TBCK: variants seen among roughly 807,000 people sequenced by gnomAD.
TBCK encodes TBC domain-containing protein kinase-like protein.
A neutral mutation model predicts 113.4 loss-of-function variants in TBCK; 99 were observed. The observed-to-expected ratio is 0.87, with a 90% CI of 0.74 to 1.03. The LOEUF (loss-of-function observed/expected upper bound fraction) is 1.03, where lower values mean the gene tolerates loss of function less well. Ranked by LOEUF, TBCK falls within the 50% of genes least tolerant of loss-of-function variation. The pLI is 0.00. For missense variants in TBCK, 1,045 were observed against 1,061.3 expected, an observed-to-expected ratio of 0.98 and a Z score of 0.21; for synonymous variants, 369 against 370.8, an observed-to-expected ratio of 1.00 and a Z score of 0.05.
intron 2 of TBCK, among the ~76,000 whole-genome samples, chr4:106,296,979 G>A (rs1283140310): frequency 6.6e-6 from 1 of 151,624 alleles, no homozygotes; most frequent in Non-Finnish European, 1.5e-5. Context: ...AACATTATCA[G>A]AAAACCAAAA....
At chr4:106,239,362 A>C (rs1353677026) in intron 12 of TBCK, among the ~76,000 whole-genome samples, 1 of 152,132 alleles carries the variant, frequency 6.6e-6, no homozygotes, top group East Asian at 1.9e-4. Context: ...CTTCTCCCCT[A>C]TACTTTACTA....
At chr4:106,308,732 G>A (rs1418169283) in intron 2 of TBCK, 36 bp downstream of exon 2, 1 of 1,565,988 alleles carries the variant, frequency 6.4e-7, no homozygotes, top group Non-Finnish European at 8.7e-7. Context: ...TAACAAAGTA[G>A]AGAACATAAA....
chr4:106,122,513 T>A (rs1744554297), intron 23 of TBCK, among the ~76,000 whole-genome samples: 1 of 152,302 alleles, frequency 6.6e-6, no homozygotes, highest in Admixed American at 6.5e-5. Flanking sequence ...GAATCCTCCC[T>A]AACTCATTTT....
At chr4:106,290,151 T>C (rs889330498) in intron 3 of TBCK, among the ~76,000 whole-genome samples, 1 of 152,108 alleles carries the variant, frequency 6.6e-6, no homozygotes. Flanking sequence ...AAATTTGAAC[T>C]AGTGAGCAAG....
rs552707077 is a variant in TBCK, at chr4:106,217,649, T to G, written c.1775-4814A>C. 1.4e-3 allele frequency among the ~76,000 whole-genome samples: 215 copies of G among 150,244 alleles called. 1 individual carries two copies. Among genetic ancestry groups the G allele is most frequent in the African/African-American group, 5.0e-3 (208 of 41,294 alleles). On this transcript the variant is annotated intron_variant, in intron 19 of 25. Transcript: ENST00000394708. ...TCAAAGAGAATAAAATACCTAGGAATCCAACTTACAAGGGATGTGAAGGAC... is the reference window on the plus strand; with the variant it reads ...TCAAAGAGAATAAAATACCTAGGAAGCCAACTTACAAGGGATGTGAAGGAC...
At chr4:106,148,025 T>C (rs903173977) in intron 23 of TBCK, among the ~76,000 whole-genome samples, 2 of 152,168 alleles carry the variant, frequency 1.3e-5, no homozygotes, top group East Asian at 1.9e-4. Context: ...GGGTGAAATA[T>C]ACCCCAGTCT....
At chr4:106,259,781 T>A (rs1255114858) in intron 5 of TBCK, among the ~76,000 whole-genome samples, 1 of 151,820 alleles carries the variant, frequency 6.6e-6, no homozygotes, top group Non-Finnish European at 1.5e-5. Flanking sequence ...GAAAAGAAAA[T>A]AATAATGAAA....
chr4:106,302,283 G>A (rs1451419691), intron 2 of TBCK, among the ~76,000 whole-genome samples: 1 of 152,252 alleles, frequency 6.6e-6, no homozygotes, highest in South Asian at 2.1e-4. Flanking sequence ...GGGCTAACGG[G>A]ACTAACCATG....
intron 23 of TBCK, among the ~76,000 whole-genome samples, chr4:106,136,605 A>G (rs1170502742): frequency 7.1e-6 from 1 of 140,698 alleles, no homozygotes; most frequent in African/African-American, 2.5e-5. Context: ...CTCTCATTTA[A>G]AGTCTTTTTA....
intron 25 of TBCK, among the ~76,000 whole-genome samples, chr4:106,066,738 G>A (rs957707123): frequency 1.3e-5 from 2 of 151,760 alleles, no homozygotes; most frequent in East Asian, 3.9e-4. Flanking sequence ...CCATGAATTT[G>A]CTGATTGTTG....
At chr4:106,123,611 G>C (rs1328514633) in intron 23 of TBCK, among the ~76,000 whole-genome samples, 1 of 152,130 alleles carries the variant, frequency 6.6e-6, no homozygotes, top group African/African-American at 2.4e-5. Flanking sequence ...CACACTACCT[G>C]ACTTCAAACT....
At chr4:106,129,078 G>A (rs974690157) in intron 23 of TBCK, among the ~76,000 whole-genome samples, 1 of 152,096 alleles carries the variant, frequency 6.6e-6, no homozygotes, top group Non-Finnish European at 1.5e-5. Flanking sequence ...CTTGTTAACT[G>A]GAAGAAAGTA....
intron 25 of TBCK, among the ~76,000 whole-genome samples, chr4:106,068,052 G>A (rs1183718321): frequency 6.6e-6 from 1 of 152,064 alleles, no homozygotes; most frequent in Non-Finnish European, 1.5e-5. Context: ...CTGCATGGAA[G>A]TTACACATTG....
intron 22 of TBCK, among the ~76,000 whole-genome samples, chr4:106,176,114 G>A (rs1463558408): frequency 6.6e-6 from 1 of 152,050 alleles, no homozygotes; most frequent in Admixed American, 6.6e-5. Flanking sequence ...CATACAATGT[G>A]TAATGATCAA....
At chr4:106,213,084 C>G (rs1022103773) in intron 19 of TBCK, among the ~76,000 whole-genome samples, 21 of 152,240 alleles carry the variant, frequency 1.4e-4, no homozygotes, top group African/African-American at 5.1e-4. Context: ...ACAAATTGTA[C>G]ACATGATAAA....
intron 22 of TBCK, among the ~76,000 whole-genome samples, chr4:106,181,743 C>T (rs1416442415): frequency 6.6e-6 from 1 of 152,018 alleles, no homozygotes; most frequent in Non-Finnish European, 1.5e-5. Flanking sequence ...TGTTTTTGTA[C>T]AGTACCATGC....
At chr4:106,301,080 C>CA (rs1394564018) in intron 2 of TBCK, among the ~76,000 whole-genome samples, 2 of 152,006 alleles carry the variant, frequency 1.3e-5, no homozygotes, top group Non-Finnish European at 2.9e-5. Flanking sequence ...TCATGGATTT[C>CA]AAACTTGCCT....
In TBCK at chr4:106,214,576, G is replaced by C. The variant is rs914129727; in HGVS notation, c.1775-1741C>G. On this transcript the variant is annotated intron_variant, in intron 19 of 25. Coordinates refer to ENST00000394708, the MANE Select transcript of TBCK (RefSeq NM_001163435.3). ...AGAACTATGTGAAGAATGCAGAAGC[G>C]TCAGGAGCCGATGCGATCAACTGGA... Among the ~76,000 whole-genome samples, 335 of 152,280 alleles carry C rather than the reference G, an allele frequency of 2.2e-3. 2 individuals are homozygous for C. The highest frequency in any genetic ancestry group is 6.9e-3 in the African/African-American group (286 of 41,546).
At chr4:106,066,873 G>C (rs920869752) in intron 25 of TBCK, among the ~76,000 whole-genome samples, 2 of 151,960 alleles carry the variant, frequency 1.3e-5, no homozygotes, top group South Asian at 4.1e-4. Flanking sequence ...TTTTATGGCT[G>C]AACATTACAC....
Sources: allele counts gnomAD v4.1 joint callset (sites outside exome capture counted in the v4.1 genomes callset), GRCh38; gene constraint gnomAD v4.1.1; transcripts MANE v1.5; gene names NCBI Gene and HGNC (gene_info 2026-07-23, HGNC 2026-07-21).